NEURL1B: variants seen among roughly 807,000 people sequenced by gnomAD.
The protein encoded by NEURL1B is neuralized E3 ubiquitin protein ligase 1B.
In NEURL1B, 13 loss-of-function variants were observed where a neutral mutation model predicts 37.4. The observed-to-expected ratio is 0.35, with a 90% CI of 0.23 to 0.55. The LOEUF is 0.55. Among genes scored for constraint, NEURL1B ranks in the 20% least tolerant of loss-of-function variants. The pLI is 0.89. For synonymous variants in NEURL1B, 432 were observed against 426.6 expected, an observed-to-expected ratio of 1.01 and a Z score of -0.16; for missense variants, 790 against 879.2, an observed-to-expected ratio of 0.90 and a Z score of 1.28.
intron 2 of NEURL1B, among the ~76,000 whole-genome samples, chr5:172,673,695 C>T (rs62386676): frequency 0.1 from 15,903 of 151,784 alleles, 916 homozygotes; most frequent in Admixed American, 0.13. Context: ...ACCTCCTGGG[C>T]CTAAGGAATC....
At chr5:172,670,632 A>G (rs1366026794) in intron 2 of NEURL1B, among the ~76,000 whole-genome samples, 1 of 151,978 alleles carries the variant, frequency 6.6e-6, no homozygotes, top group Non-Finnish European at 1.5e-5. Flanking sequence ...TTCACTTCCT[A>G]GTTTATTTGC....
In NEURL1B at chr5:172,689,457, A is replaced by G. The variant is rs919366902; in HGVS notation, c.*2532A>G. On this transcript the variant is annotated 3_prime_UTR_variant, in exon 5 of 5. Transcript: ENST00000369800. ...GTCATAAAACACTGTTTTACATACC[A>G]TAGGGAAAAACGCTGCCAATCTTAA... 16 of 152,250 alleles carry G rather than the reference A, an allele frequency of 1.1e-4. No homozygotes were observed. The highest frequency in any genetic ancestry group is 3.6e-4 in the African/African-American group (15 of 41,466). 9.4% of individuals were successfully genotyped at this position (152,250 alleles called of 1,614,324 possible). A position where few individuals can be genotyped will look rare whatever the true frequency, so the allele number is the denominator to read the frequency against.
intron 1 of NEURL1B, among the ~76,000 whole-genome samples, chr5:172,648,981 A>C (rs1267462105): frequency 6.6e-6 from 1 of 152,240 alleles, no homozygotes; most frequent in Non-Finnish European, 1.5e-5. Flanking sequence ...AAGACTCTCC[A>C]GCAGCATAGT....
chr5:172,652,010 T>C (rs1460887534), intron 1 of NEURL1B, among the ~76,000 whole-genome samples: 1 of 152,190 alleles, frequency 6.6e-6, no homozygotes, highest in Non-Finnish European at 1.5e-5. Context: ...TCCACCACAA[T>C]ACCACCATAC....
chr5:172,684,490 A>C lies in NEURL1B; in HGVS notation c.1297+352A>C, dbSNP rs547442676. On this transcript the variant is annotated intron_variant, in intron 3 of 4. Coordinates refer to ENST00000369800, the MANE Select transcript of NEURL1B (RefSeq NM_001142651.3). ...GCTTGGCAGGCTATATCCCCTCGGT[A>C]AATGGTCGGTGCGATTTTTAGTTCC... 7.2e-5 allele frequency among the ~76,000 whole-genome samples: 11 copies of C among 152,332 alleles called. No homozygotes were observed. In the South Asian group the frequency reaches 1.4e-3, roughly 20 times the overall value.
chr5:172,670,381 G>C (rs1252178842), intron 2 of NEURL1B, 51 bp downstream of exon 2: 2 of 1,301,088 alleles, frequency 1.5e-6, no homozygotes, highest in Non-Finnish European at 2.0e-6. Flanking sequence ...GTGCCTTTGC[G>C]CGTGGGTGTG....
chr5:172,655,461 T>C (rs1343610737), intron 1 of NEURL1B, among the ~76,000 whole-genome samples: 1 of 152,146 alleles, frequency 6.6e-6, no homozygotes, highest in Non-Finnish European at 1.5e-5. Context: ...GTATAAATCC[T>C]ACGGCAGGAT....
Position 172,672,583 on chromosome 5 carries a change from A to T in NEURL1B, c.577+2253A>T, listed in dbSNP as rs892720799. On this transcript the variant is annotated intron_variant, in intron 2 of 4. Transcript: ENST00000369800. ...TCCTTATTCAGCAAACTCTTATTGA[A>T]CTCCTTACAACATTCTAGGAAGGGA... is the stretch of plus-strand genomic sequence containing the variant. 8.0e-5 allele frequency among the ~76,000 whole-genome samples: 11 copies of T among 137,142 alleles called. No homozygotes were observed. The East Asian group carries it at 2.0e-3, about 25-fold the overall frequency. The allele number at this position is 137,142 out of a possible 152,430, so 90.0% of individuals were successfully genotyped here.
chr5:172,669,914 G>C lies in NEURL1B; in HGVS notation c.161G>C (p.Gly54Ala). Reference sequence around the variant, plus strand: ...AAAGGCAAGAACGTGCGGCTGGACGGCCACTCGCGCCGGGCCACACGGCGC... The same window carrying C: ...AAAGGCAAGAACGTGCGGCTGGACGCCCACTCGCGCCGGGCCACACGGCGC... ...QAKGKNVRLD[G>A]HSRRATRRNS... is the part of the protein sequence containing the mutation. Residue 54 changes from glycine (G) to alanine (A), a missense_variant, in exon 2 of 5, where the codon GGC becomes GCC. By Grantham distance (60) the Gly-to-Ala change is moderately conservative. This residue lies in a region of NEURL1B where 215 missense variants were observed against 309.2 expected (regional missense o/e 0.70). Coordinates refer to ENST00000369800, the MANE Select transcript of NEURL1B (RefSeq NM_001142651.3). 6.9e-7 allele frequency: 1 copy of C among 1,450,690 alleles called. No homozygotes were observed. The highest frequency in any genetic ancestry group is 9.0e-7 in the Non-Finnish European group (1 of 1,106,592). The allele number at this position is 1,450,690 out of a possible 1,614,324, so 89.9% of individuals were successfully genotyped here.
intron 2 of NEURL1B, among the ~76,000 whole-genome samples, chr5:172,673,418 T>G (rs1758168991): frequency 6.6e-6 from 1 of 152,102 alleles, no homozygotes; most frequent in Admixed American, 6.5e-5. Context: ...TTAGAGCTGC[T>G]CAGTTGTAAA....
chr5:172,683,347 G>A lies in NEURL1B; in HGVS notation c.578-72G>A. 7.9e-7 allele frequency: 1 copy of A among 1,261,216 alleles called. No homozygotes were observed. Among genetic ancestry groups the A allele is most frequent in the Non-Finnish European group, 1.0e-6 (1 of 1,000,290 alleles). The allele number at this position is 1,261,216 out of a possible 1,614,324, so 78.1% of individuals were successfully genotyped here. On this transcript the variant is annotated intron_variant, in intron 2 of 4. Coordinates refer to ENST00000369800, the MANE Select transcript of NEURL1B (RefSeq NM_001142651.3). This position sits in a 1 kb window ranked among gnomAD's most constrained non-coding sequence, Gnocchi z 5.6. The stretch of plus-strand genomic sequence containing the variant: ...TCGTGGAGGCCTGCAGGAGGCAGCG[G>A]GCGAGGAGGGGCTCGCGACCAGCCT...
chr5:172,680,768 G>C (rs1430766174), intron 2 of NEURL1B, among the ~76,000 whole-genome samples: 1 of 152,130 alleles, frequency 6.6e-6, no homozygotes, highest in African/African-American at 2.4e-5. Context: ...CATGTGTTCA[G>C]TTTTGAATGT....
At position 172,669,981 on chromosome 5, in the gene NEURL1B, C is replaced by A; in HGVS notation, c.228C>A (p.Ile76=). The A allele has an allele frequency of 6.8e-7, 1 of 1,465,500 alleles. No individual in the cohort carries two copies. The highest frequency in any genetic ancestry group is 9.0e-7 in the Non-Finnish European group (1 of 1,114,668). The allele number at this position is 1,465,500 out of a possible 1,614,324, so 90.8% of individuals were successfully genotyped here. ...CNGVTFTQRP[I]RLYEQVRLRL... The stretch of plus-strand genomic sequence containing the variant: ...GCGTCACGTTCACGCAGCGGCCCAT[C>A]CGGCTGTACGAGCAGGTGCGGCTGC... The change falls in exon 2 of 5, where the codon ATC becomes ATA. Residue 76 remains isoleucine (I), a synonymous_variant. Coordinates refer to ENST00000369800, the MANE Select transcript of NEURL1B (RefSeq NM_001142651.3).
At chr5:172,643,781 T>G (rs996297952) in intron 1 of NEURL1B, among the ~76,000 whole-genome samples, 1 of 152,230 alleles carries the variant, frequency 6.6e-6, no homozygotes, top group Non-Finnish European at 1.5e-5. Flanking sequence ...CGTGGGGTTC[T>G]TTCTGCGGGA....
At position 172,647,396 on chromosome 5, in the gene NEURL1B, G is replaced by T. The variant is rs747415857; in HGVS notation, c.31+5959G>T. The stretch of plus-strand genomic sequence containing the variant: ...GCCGTCATGAGAGCCTTGCGAGGCA[G>T]TCTTCTCATGTCACAGAAGGGGAAA... On this transcript the variant is annotated intron_variant, in intron 1 of 4. Coordinates refer to ENST00000369800, the MANE Select transcript of NEURL1B (RefSeq NM_001142651.3). The surrounding 1 kb of genome is among the most constrained non-coding windows in gnomAD (Gnocchi z 4.2). Among the ~76,000 whole-genome samples, 45 of 152,164 alleles carry T rather than the reference G, an allele frequency of 3.0e-4. No homozygotes were observed. Among genetic ancestry groups the T allele is most frequent in the Non-Finnish European group, 6.2e-4 (42 of 68,028 alleles).
Position 172,690,954 on chromosome 5 carries a change from C to T in NEURL1B, c.*4029C>T, listed in dbSNP as rs1235529125. 5 of 152,140 alleles carry T rather than the reference C, an allele frequency of 3.3e-5. No homozygotes were observed. The highest frequency in any genetic ancestry group is 7.3e-5 in the Non-Finnish European group (5 of 68,042). 9.4% of individuals were successfully genotyped at this position (152,140 alleles called of 1,614,324 possible). A position where few individuals can be genotyped will look rare whatever the true frequency, so the allele number is the denominator to read the frequency against. On this transcript the variant is annotated 3_prime_UTR_variant, in exon 5 of 5. Coordinates refer to ENST00000369800, the MANE Select transcript of NEURL1B (RefSeq NM_001142651.3). ...GTCCAGTTGAGGCAGAGGCAATAAC[C>T]TCCCATTGCTCGGCCCTGCGCCTGC...
In NEURL1B at chr5:172,669,794, C is replaced by A. The variant is rs1008400623; in HGVS notation, c.41C>A (p.Pro14Gln). 14 of 1,271,346 alleles carry A rather than the reference C, an allele frequency of 1.1e-5. No homozygotes were observed. The highest frequency in any genetic ancestry group is 1.3e-5 in the Non-Finnish European group (13 of 1,000,874). 78.8% of individuals were successfully genotyped at this position (1,271,346 alleles called of 1,614,324 possible). Residue 14 changes from proline (P) to glutamine (Q), a missense_variant, in exon 2 of 5, where the codon CCA becomes CAA. Around this residue, in one of 3 missense-constraint regions of NEURL1B, gnomAD observed 215 missense variants for 309.2 expected, o/e 0.70. Transcript: ENST00000369800. Reference sequence around the variant, plus strand: ...CTGTGTCTTTCCGCAGACCCGAGCCCACCGGCGCGCCTCCTGGCCACCCGG... The same window carrying A: ...CTGTGTCTTTCCGCAGACCCGAGCCAACCGGCGCGCCTCCTGGCCACCCGG... ...TVHRTLPDPSPPARLLATRPC... is the reference protein window; with the variant it reads ...TVHRTLPDPSQPARLLATRPC...
intron 1 of NEURL1B, among the ~76,000 whole-genome samples, chr5:172,649,384 CAG>C (rs1181403969): frequency 2.1e-5 from 2 of 97,080 alleles, no homozygotes; most frequent in African/African-American, 8.1e-5. Flanking sequence ...TTTTTTGAGA[CAG>C]AGTCTTGCTC....
chr5:172,643,097 C>A lies in NEURL1B; in HGVS notation c.31+1660C>A, dbSNP rs571623356. Among the ~76,000 whole-genome samples the A allele has an allele frequency of 1.1e-4, 17 of 152,320 alleles. No homozygotes were observed. In the South Asian group the frequency reaches 2.5e-3, roughly 22 times the overall value. Reference sequence around the variant, plus strand: ...AAATATAGCTAGAGATTTATGTATTCTCCATCCCTCTCAACTCTCTCTCTG... The same window carrying A: ...AAATATAGCTAGAGATTTATGTATTATCCATCCCTCTCAACTCTCTCTCTG... On this transcript the variant is annotated intron_variant, in intron 1 of 4. Transcript: ENST00000369800.
Sources: gnomAD v4.1 joint callset for allele counts (sites outside exome capture counted in the v4.1 genomes callset) on GRCh38, gnomAD v4.1.1 for gene constraint, gnomAD v4.1.1 regional missense constraint, Gnocchi (gnomAD v3.1) non-coding constraint, MANE v1.5 for transcripts, NCBI Gene and HGNC (gene_info 2026-07-23, HGNC 2026-07-21) for gene names.